Variants in DLC1 observed in about 807,000 individuals in gnomAD.
DLC1 encodes DLC1 Rho GTPase activating protein.
DLC1 carries 54 observed loss-of-function variants against 140.3 expected under a neutral mutation model. The observed-to-expected ratio is 0.38, with a 90% CI of 0.31 to 0.48. The LOEUF is 0.48. Among genes scored for constraint, DLC1 ranks in the 20% least tolerant of loss-of-function variants. DLC1 has a pLI of 0.96. For synonymous variants in DLC1, 986 were observed against 728.1 expected (o/e 1.35, Z -5.70); for missense variants, 2,536 against 1,907.0 (o/e 1.33, Z -6.14).
At chr8:13,525,182 A>G (rs1053474500) in intron 1 of DLC1, among the ~76,000 whole-genome samples, 6 of 152,150 alleles carry the variant, frequency 3.9e-5, no homozygotes, top group African/African-American at 1.4e-4. Flanking sequence ...TTTACTGTTG[A>G]TTAGTATTTC....
chr8:13,295,306 C>T (rs968287083), intron 5 of DLC1, among the ~76,000 whole-genome samples: 11 of 152,192 alleles, frequency 7.2e-5, no homozygotes, highest in Admixed American at 4.6e-4. Context: ...AAATATAATA[C>T]CCTACTATGT....
chr8:13,596,578 C>A (rs978818238), intron 1 of DLC1, among the ~76,000 whole-genome samples: 3 of 151,896 alleles, frequency 2.0e-5, no homozygotes, highest in African/African-American at 7.2e-5. Flanking sequence ...TTAAAGAGTG[C>A]TTGTGCTTTG....
At chr8:13,161,903 C>T (rs912888848) in intron 5 of DLC1, among the ~76,000 whole-genome samples, 1 of 152,178 alleles carries the variant, frequency 6.6e-6, no homozygotes, top group Non-Finnish European at 1.5e-5. Context: ...AAATATCTTA[C>T]TCAGATATGT....
chr8:13,234,029 TA>T (rs1829172185), intron 5 of DLC1, among the ~76,000 whole-genome samples: 1 of 152,154 alleles, frequency 6.6e-6, no homozygotes, highest in Non-Finnish European at 1.5e-5. Flanking sequence ...GAAAACAGAG[TA>T]TGCACAAGTC....
intron 4 of DLC1, 95 bp downstream of exon 4, chr8:13,393,458 A>T: frequency 7.5e-7 from 1 of 1,334,168 alleles, no homozygotes; most frequent in Non-Finnish European, 1.0e-6. Context: ...CTAAGATTCC[A>T]ACAGTATTTC....
chr8:13,385,703 T>A (rs1836492944), intron 4 of DLC1, among the ~76,000 whole-genome samples: 3 of 152,210 alleles, frequency 2.0e-5, no homozygotes, highest in Non-Finnish European at 4.4e-5. Context: ...ATTTGGTATG[T>A]GATTGATTCA....
At chr8:13,553,297 T>C (rs1176556274) in intron 1 of DLC1, among the ~76,000 whole-genome samples, 1 of 145,564 alleles carries the variant, frequency 6.9e-6, no homozygotes, top group Non-Finnish European at 1.5e-5. Context: ...TCTGTGCTCC[T>C]ATATAAGGCC....
chr8:13,384,380 G>A (rs192936726), intron 4 of DLC1, among the ~76,000 whole-genome samples: 6 of 122,852 alleles, frequency 4.9e-5, no homozygotes, highest in Admixed American at 2.3e-4. Flanking sequence ...GAGCGTGCGC[G>A]TGTGTGTGTA....
At chr8:13,393,836 T>A (rs1836886558) in intron 3 of DLC1, 143 bp from the exon 4 acceptor site, 4 of 948,324 alleles carry the variant, frequency 4.2e-6, no homozygotes, top group Non-Finnish European at 6.3e-6. Flanking sequence ...GACAGTGACG[T>A]GTCACACATA....
chr8:13,425,069 C>A (rs1216555303), intron 2 of DLC1, among the ~76,000 whole-genome samples: 1 of 151,108 alleles, frequency 6.6e-6, no homozygotes, highest in African/African-American at 2.4e-5. Flanking sequence ...TGAAACCCTG[C>A]TAAGTATTTA....
Position 13,300,822 on chromosome 8 carries a change from G to A in DLC1, c.1348+4447C>T, listed in dbSNP as rs56207159. On this transcript the variant is annotated intron_variant, in intron 5 of 17. Transcript: ENST00000276297. Reference sequence around the variant, plus strand: ...GTTGGCACAGGAACTGACATGATCAGGTTATATATTTTCAAAGATAACTCT... The same window carrying A: ...GTTGGCACAGGAACTGACATGATCAAGTTATATATTTTCAAAGATAACTCT... Among the ~76,000 whole-genome samples the A allele has an allele frequency of 5.6e-3, 850 of 152,310 alleles. 17 individuals carry two copies. The highest frequency in any genetic ancestry group is 0.018 in the African/African-American group (768 of 41,556).
chr8:13,447,524 C>G (rs1413476959), intron 2 of DLC1, among the ~76,000 whole-genome samples: 2 of 152,120 alleles, frequency 1.3e-5, no homozygotes, highest in Admixed American at 6.6e-5. Context: ...TTCAGCCTCT[C>G]TGCCTCTAGA....
At chr8:13,291,043 G>A (rs924184413) in intron 5 of DLC1, among the ~76,000 whole-genome samples, 3 of 152,186 alleles carry the variant, frequency 2.0e-5, no homozygotes, top group East Asian at 1.9e-4. Flanking sequence ...AATTAGCTGC[G>A]ATTACAAGTA....
At chr8:13,435,803 AAACAG>A (rs1433706249) in intron 2 of DLC1, among the ~76,000 whole-genome samples, 15 of 152,220 alleles carry the variant, frequency 9.9e-5, no homozygotes, top group African/African-American at 3.1e-4. Context: ...AAATGCTGTC[AAACAG>A]CACTGCAAGC....
chr8:13,177,713 T>G (rs1825826294), intron 5 of DLC1, among the ~76,000 whole-genome samples: 1 of 152,100 alleles, frequency 6.6e-6, no homozygotes, highest in African/African-American at 2.4e-5. Flanking sequence ...ATATTTCAGA[T>G]AGTATTCTAA....
chr8:13,208,152 T>A (rs1827765444), intron 5 of DLC1, among the ~76,000 whole-genome samples: 1 of 152,176 alleles, frequency 6.6e-6, no homozygotes, highest in African/African-American at 2.4e-5. Flanking sequence ...TAAGGCTGGC[T>A]TCTGTTTTTG....
intron 2 of DLC1, among the ~76,000 whole-genome samples, chr8:13,493,257 T>TC (rs1801346578): frequency 1.3e-5 from 2 of 152,230 alleles, no homozygotes; most frequent in Admixed American, 6.5e-5. Flanking sequence ...TGCTTTACAT[T>TC]CCTTCCCTCC....
At chr8:13,106,638 C>T (rs1020016584) in intron 7 of DLC1, among the ~76,000 whole-genome samples, 2 of 152,338 alleles carry the variant, frequency 1.3e-5, no homozygotes, top group African/African-American at 4.8e-5. Flanking sequence ...TGCCCGGCTA[C>T]GTGCTTACCT....
chr8:13,334,777 T>C (rs1833752228), intron 4 of DLC1, among the ~76,000 whole-genome samples: 1 of 152,204 alleles, frequency 6.6e-6, no homozygotes, highest in Admixed American at 6.5e-5. Flanking sequence ...GGTTTTGTCA[T>C]GTTAAAAATG....
Sources: allele counts gnomAD v4.1 joint callset (sites outside exome capture counted in the v4.1 genomes callset), GRCh38; gene constraint gnomAD v4.1.1; transcripts MANE v1.5; gene names NCBI Gene and HGNC (gene_info 2026-07-23, HGNC 2026-07-21).